Variants in PTPRD observed in about 807,000 individuals in gnomAD.
PTPRD encodes the protein receptor-type tyrosine-protein phosphatase delta.
A neutral mutation model predicts 214.5 loss-of-function variants in PTPRD; 34 were observed. The observed-to-expected ratio is 0.16, with a 90% CI of 0.12 to 0.21. PTPRD has a LOEUF of 0.21. PTPRD is among the 10% of genes least tolerant of loss of function. The pLI, the probability that PTPRD is intolerant of heterozygous loss-of-function variation, is 1.00. For synonymous variants in PTPRD, 1,128 were observed against 845.7 expected, an observed-to-expected ratio of 1.33 and a Z score of -5.79; for missense variants, 2,545 against 2,398.7, an observed-to-expected ratio of 1.06 and a Z score of -1.27.
At chr9:9,147,173 T>C (rs2099870005) in intron 10 of PTPRD, among the ~76,000 whole-genome samples, 1 of 151,502 alleles carries the variant, frequency 6.6e-6, no homozygotes, top group Admixed American at 6.6e-5. Flanking sequence ...ATCTGAGAAG[T>C]AGTCTCAGAT....
intron 4 of PTPRD, among the ~76,000 whole-genome samples, chr9:9,955,827 G>C (rs997835237): frequency 6.6e-6 from 1 of 151,798 alleles, no homozygotes; most frequent in African/African-American, 2.4e-5. Flanking sequence ...CGGCCTATTT[G>C]GGTTCTTAAG....
chr9:8,795,820 G>T (rs996594074), intron 11 of PTPRD, among the ~76,000 whole-genome samples: 1 of 152,028 alleles, frequency 6.6e-6, no homozygotes, highest in African/African-American at 2.4e-5. Flanking sequence ...TAACATATAA[G>T]ATCTAGAGGA....
chr9:9,805,400 A>G (rs1260908670), intron 5 of PTPRD, among the ~76,000 whole-genome samples: 1 of 152,154 alleles, frequency 6.6e-6, no homozygotes, highest in Non-Finnish European at 1.5e-5. Context: ...ACAGTATTAG[A>G]AAAGAGGAAG....
intron 8 of PTPRD, among the ~76,000 whole-genome samples, chr9:9,571,398 A>G (rs982330109): frequency 6.6e-6 from 1 of 151,384 alleles, no homozygotes; most frequent in South Asian, 2.1e-4. Context: ...TGTAGTTAAT[A>G]CTTAAGGCTG....
intron 12 of PTPRD, among the ~76,000 whole-genome samples, chr9:8,666,658 T>C (rs1318962470): frequency 6.6e-6 from 1 of 152,238 alleles, no homozygotes; most frequent in African/African-American, 2.4e-5. Context: ...TGCAAACTTC[T>C]AGGTGACTCA....
At chr9:9,243,274 T>C (rs1208037020) in intron 9 of PTPRD, among the ~76,000 whole-genome samples, 1 of 152,100 alleles carries the variant, frequency 6.6e-6, no homozygotes, top group Non-Finnish European at 1.5e-5. Flanking sequence ...AGAGGAATCC[T>C]CCCTAACTCA....
chr9:8,471,209 T>C, intron 30 of PTPRD, 124 bp from the exon 31 acceptor site: 2 of 730,008 alleles, frequency 2.7e-6, no homozygotes, highest in Non-Finnish European at 2.4e-6. Flanking sequence ...GACTTGTCCA[T>C]TTCTTACATC....
chr9:9,454,977 A>G (rs1017305215), intron 8 of PTPRD, among the ~76,000 whole-genome samples: 1 of 151,666 alleles, frequency 6.6e-6, no homozygotes, highest in Non-Finnish European at 1.5e-5. Context: ...AGAGTGCCTA[A>G]GGGCACAGAT....
At chr9:10,424,347 A>T (rs1380878230) in intron 2 of PTPRD, among the ~76,000 whole-genome samples, 2 of 146,306 alleles carry the variant, frequency 1.4e-5, no homozygotes, top group Non-Finnish European at 3.0e-5. Context: ...CTCTCTCAGG[A>T]ATTATGAGAT....
At chr9:9,510,776 A>AT (rs1291985952) in intron 8 of PTPRD, among the ~76,000 whole-genome samples, 1 of 151,670 alleles carries the variant, frequency 6.6e-6, no homozygotes, top group African/African-American at 2.4e-5. Flanking sequence ...TCATTATATA[A>AT]TAAAATAAAA....
intron 9 of PTPRD, among the ~76,000 whole-genome samples, chr9:9,380,890 T>C (rs567552600): frequency 6.6e-6 from 1 of 152,198 alleles, no homozygotes; most frequent in African/African-American, 2.4e-5. Flanking sequence ...ATGTTAATAA[T>C]TGTTACGTCT....
At chr9:9,925,535 G>C (rs1001400352) in intron 5 of PTPRD, among the ~76,000 whole-genome samples, 8 of 151,718 alleles carry the variant, frequency 5.3e-5, no homozygotes, top group African/African-American at 1.9e-4. Context: ...TTTTTTTAAA[G>C]CATGTTTTTA....
intron 2 of PTPRD, among the ~76,000 whole-genome samples, chr9:10,582,058 G>A (rs768073327): frequency 5.3e-5 from 8 of 152,182 alleles, no homozygotes; most frequent in Non-Finnish European, 1.2e-4. Context: ...GACAAGTTAA[G>A]TTTTTCTAGA....
intron 8 of PTPRD, among the ~76,000 whole-genome samples, chr9:9,488,839 G>A (rs926594439): frequency 6.6e-6 from 1 of 152,100 alleles, no homozygotes; most frequent in African/African-American, 2.4e-5. Flanking sequence ...AAGCAGCTGT[G>A]GACATGTTCC....
intron 10 of PTPRD, among the ~76,000 whole-genome samples, chr9:9,146,744 AG>A (rs2099869216): frequency 6.6e-6 from 1 of 152,200 alleles, no homozygotes; most frequent in Non-Finnish European, 1.5e-5. Flanking sequence ...GTCATTTATA[AG>A]GGATCAGAAA....
intron 4 of PTPRD, among the ~76,000 whole-genome samples, chr9:10,032,266 T>C (rs747290742): frequency 6.6e-6 from 1 of 152,182 alleles, no homozygotes; most frequent in Non-Finnish European, 1.5e-5. Context: ...TAGTGTAACA[T>C]CTTGTAGCCC....
chr9:10,198,640 T>C (rs985815743), intron 3 of PTPRD, among the ~76,000 whole-genome samples: 5 of 152,150 alleles, frequency 3.3e-5, no homozygotes, highest in African/African-American at 7.2e-5. Flanking sequence ...TCATTTTTAC[T>C]GATGGTGGTT....
intron 12 of PTPRD, among the ~76,000 whole-genome samples, chr9:8,683,826 T>G (rs1366195918): frequency 6.6e-6 from 1 of 152,202 alleles, no homozygotes; most frequent in South Asian, 2.1e-4. Context: ...TCTTCCCTTT[T>G]CTTCCCCGAC....
At chr9:8,771,217 A>G (rs1349424681) in intron 11 of PTPRD, among the ~76,000 whole-genome samples, 1 of 151,728 alleles carries the variant, frequency 6.6e-6, no homozygotes, top group Non-Finnish European at 1.5e-5. Flanking sequence ...TTCTTTATTA[A>G]AAATTTAAAA....
Sources: gnomAD v4.1 joint callset for allele counts (sites outside exome capture counted in the v4.1 genomes callset) on GRCh38, gnomAD v4.1.1 for gene constraint, MANE v1.5 for transcripts, NCBI Gene and HGNC (gene_info 2026-07-23, HGNC 2026-07-21) for gene names.